Variants in UBA6 observed in about 807,000 individuals in gnomAD.
The protein encoded by UBA6 is ubiquitin like modifier activating enzyme 6.
In UBA6, 87 loss-of-function variants were observed where a neutral mutation model predicts 148.3. That is an observed-to-expected ratio of 0.59 (90% CI 0.49 to 0.70). The LOEUF is 0.70. Ranked by LOEUF, UBA6 falls within the 30% of genes least tolerant of loss-of-function variation. The pLI is 0.00. For missense variants in UBA6, 1,186 were observed against 1,241.2 expected (o/e 0.96, Z 0.67); for synonymous variants, 376 against 401.0 (o/e 0.94, Z 0.75).
At chr4:67,658,099 T>C (rs1185255921) in intron 13 of UBA6, among the ~76,000 whole-genome samples, 2 of 152,176 alleles carry the variant, frequency 1.3e-5, no homozygotes, top group East Asian at 3.9e-4. Flanking sequence ...GGTGGGAGTG[T>C]AAATCAGTTA....
At chr4:67,665,423 G>T (rs1317980900) in intron 9 of UBA6, 131 bp from the exon 10 acceptor site, 274 of 384,038 alleles carry the variant, frequency 7.1e-4, no homozygotes, top group South Asian at 1.0e-3. Flanking sequence ...GTTTTTTTTT[G>T]TTTGTTTGTT....
At chr4:67,695,639 T>C (rs1273690318) in intron 2 of UBA6, among the ~76,000 whole-genome samples, 22 of 152,210 alleles carry the variant, frequency 1.4e-4, no homozygotes, top group Non-Finnish European at 7.4e-5. Flanking sequence ...TAATAATAGA[T>C]AACCCTGTGC....
At chr4:67,646,938 A>AT in intron 14 of UBA6, 147 bp from the exon 15 acceptor site, 1 of 229,870 alleles carries the variant, frequency 4.4e-6, no homozygotes, top group Non-Finnish European at 8.0e-6. Flanking sequence ...TATAATTAAA[A>AT]ATATATAATA....
intron 6 of UBA6, among the ~76,000 whole-genome samples, chr4:67,676,788 A>T (rs1449100498): frequency 6.6e-6 from 1 of 152,160 alleles, no homozygotes; most frequent in Non-Finnish European, 1.5e-5. Context: ...TTTAAAAGAA[A>T]GTCTGTTTAG....
At chr4:67,686,078 T>G (rs1476538569) in intron 2 of UBA6, among the ~76,000 whole-genome samples, 1 of 152,234 alleles carries the variant, frequency 6.6e-6, no homozygotes, top group Non-Finnish European at 1.5e-5. Flanking sequence ...CATTGTTACA[T>G]TACAGCTGAC....
intron 23 of UBA6, among the ~76,000 whole-genome samples, chr4:67,632,470 C>T (rs1729021582): frequency 6.6e-6 from 1 of 151,912 alleles, no homozygotes; most frequent in Admixed American, 6.6e-5. Context: ...ATTTCTATGG[C>T]TGAATATTTT....
At chr4:67,642,005 AGTT>A (rs1729318837) in intron 17 of UBA6, among the ~76,000 whole-genome samples, 1 of 152,054 alleles carries the variant, frequency 6.6e-6, no homozygotes, top group African/African-American at 2.4e-5. Flanking sequence ...ATTTTCTTTT[AGTT>A]GTTATTTCCC....
intron 6 of UBA6, among the ~76,000 whole-genome samples, chr4:67,677,050 C>T (rs908856752): frequency 6.6e-6 from 1 of 152,144 alleles, no homozygotes; most frequent in African/African-American, 2.4e-5. Flanking sequence ...TACTGCTTGC[C>T]CATGGCTTTA....
Position 67,642,171 on chromosome 4 carries a change from T to G in UBA6, c.1477-943A>C, listed in dbSNP as rs1729323085. Among the ~76,000 whole-genome samples the G allele has an allele frequency of 2.6e-5, 4 of 152,220 alleles. No individual in the cohort carries two copies. In the South Asian group the frequency reaches 8.3e-4, roughly 32 times the overall value. On this transcript the variant is annotated intron_variant, in intron 17 of 32. Coordinates refer to ENST00000322244, the MANE Select transcript of UBA6 (RefSeq NM_018227.6). ...TTCTTTCTACCTCCTCCAATTCTGC[T>G]TTTCATTCCCCTGTATTTTTGCCTT... is the stretch of plus-strand genomic sequence containing the variant.
At chr4:67,665,318 C>A in intron 9 of UBA6, 26 bp from the exon 10 acceptor site, 1 of 1,354,322 alleles carries the variant, frequency 7.4e-7, no homozygotes, top group South Asian at 1.3e-5. Flanking sequence ...TTTAAAAAAT[C>A]ATTACACAGG....
chr4:67,663,076 A>G, intron 12 of UBA6, 63 bp downstream of exon 12: 1 of 1,225,046 alleles, frequency 8.2e-7, no homozygotes, highest in Admixed American at 2.1e-5. Flanking sequence ...TTTTTAAATT[A>G]TAATTTCTGA....
Position 67,665,202 on chromosome 4 carries a change from T to G in UBA6, c.884A>C (p.Lys295Thr). The change falls in exon 10 of 33, where the codon AAA (lysine) becomes ACA (threonine). Residue 295 changes from lysine to threonine, a missense_variant. Lys to Thr is a moderately conservative substitution (Grantham distance 78). Coordinates refer to ENST00000322244, the MANE Select transcript of UBA6 (RefSeq NM_018227.6). ...GGIAVQVKTPKTVFFESLERQ... is the reference protein window; with the variant it reads ...GGIAVQVKTPTTVFFESLERQ... Reference sequence around the variant, plus strand: ...AAAAATACTTACAAAAAAAACTGTTTTAGGAGTCTTAACTTGGACAGCTAT... The same window carrying G: ...AAAAATACTTACAAAAAAAACTGTTGTAGGAGTCTTAACTTGGACAGCTAT... 1.3e-6 allele frequency: 2 copies of G among 1,589,462 alleles called. No homozygotes were observed. Among genetic ancestry groups the G allele is most frequent in the South Asian group, 1.2e-5 (1 of 85,108 alleles).
chr4:67,653,281 G>A (rs1447336964), intron 13 of UBA6, among the ~76,000 whole-genome samples: 1 of 152,126 alleles, frequency 6.6e-6, no homozygotes, highest in Non-Finnish European at 1.5e-5. Context: ...AGTAGGGGCC[G>A]ACAGACACCT....
chr4:67,662,413 A>AGGT lies in UBA6; in HGVS notation c.1038-159_1038-158insACC, dbSNP rs1178708345. 4 of 543,168 alleles carry AGGT rather than the reference A, an allele frequency of 7.4e-6. No individual in the cohort carries two copies. In the African/African-American group the frequency reaches 7.6e-5, roughly 10 times the overall value. 33.6% of individuals were successfully genotyped at this position (543,168 alleles called of 1,614,324 possible). A position where few individuals can be genotyped will look rare whatever the true frequency, so the allele number is the denominator to read the frequency against. On this transcript the variant is annotated intron_variant, in intron 12 of 32. Transcript: ENST00000322244. ...GTACTGATTTAAAGATGATTGGCTT[A>AGGT]TAAATACATTACTTCAAAATCACAC...
chr4:67,645,470 G>A (rs1370611427), intron 16 of UBA6, among the ~76,000 whole-genome samples: 1 of 151,978 alleles, frequency 6.6e-6, no homozygotes, highest in Non-Finnish European at 1.5e-5. Context: ...GTGGTGGCAC[G>A]CCCCTGTAGT....
At chr4:67,641,456 G>A (rs1367427493) in intron 17 of UBA6, among the ~76,000 whole-genome samples, 1 of 152,060 alleles carries the variant, frequency 6.6e-6, no homozygotes, top group African/African-American at 2.4e-5. Context: ...AATAGCTGAG[G>A]CCAATTGCAA....
rs773818148 is a variant in UBA6 at position 67,622,974 on chromosome 4, T to C, written c.2929-49A>G. On this transcript the variant is annotated intron_variant, in intron 31 of 32. Transcript: ENST00000322244. ...AAACAATGAAAGCCTCGCTCAAACA[T>C]AAAATGCTTATTTAACATTGTTCGT... is the stretch of plus-strand genomic sequence containing the variant. 11 of 1,482,734 alleles carry C rather than the reference T, an allele frequency of 7.4e-6. No individual in the cohort carries two copies. In the East Asian group the frequency reaches 9.1e-5, roughly 12 times the overall value. 91.8% of individuals were successfully genotyped at this position (1,482,734 alleles called of 1,614,324 possible).
chr4:67,639,125 C>A lies in UBA6; in HGVS notation c.1555-1G>T. 6.2e-7 allele frequency: 1 copy of A among 1,605,042 alleles called. No individual in the cohort carries two copies. On this transcript the variant is annotated splice_acceptor_variant, in intron 18 of 32. Coordinates refer to ENST00000322244, the MANE Select transcript of UBA6 (RefSeq NM_018227.6). LOFTEE classifies it high-confidence loss of function. ...CAGCAGCAGTGTAGCTTTTAGGTTT[C>A]TAAACAAATAATATAAGCAGAAGGA...
At chr4:67,672,689 TG>T (rs1730179479) in intron 7 of UBA6, among the ~76,000 whole-genome samples, 1 of 152,192 alleles carries the variant, frequency 6.6e-6, no homozygotes, top group Admixed American at 6.5e-5. Flanking sequence ...TGGTCCTGTT[TG>T]CCTCTTATTG....
Sources: gnomAD v4.1 joint callset for allele counts (sites outside exome capture counted in the v4.1 genomes callset) on GRCh38, gnomAD v4.1.1 for gene constraint, MANE v1.5 for transcripts, NCBI Gene and HGNC (gene_info 2026-07-23, HGNC 2026-07-21) for gene names.